GULP1: variants seen among roughly 807,000 people sequenced by gnomAD.
GULP1 encodes the protein GULP PTB domain containing engulfment adaptor 1.
In GULP1, 19 loss-of-function variants were observed where a neutral mutation model predicts 40.9. That is an observed-to-expected ratio of 0.46 (90% confidence interval 0.32 to 0.68). GULP1 has a LOEUF of 0.68. Among genes scored for constraint, GULP1 ranks in the 30% least tolerant of loss-of-function variants. GULP1 has a pLI of 0.03. For synonymous variants in GULP1, 119 were observed against 117.6 expected (o/e 1.01, Z -0.08); for missense variants, 312 against 362.2 (o/e 0.86, Z 1.12).
chr2:188,342,465 AT>A (rs1298966451), intron 1 of GULP1, among the ~76,000 whole-genome samples: 1 of 152,048 alleles, frequency 6.6e-6, no homozygotes, highest in Non-Finnish European at 1.5e-5. Context: ...TTTTATCTGA[AT>A]TTTTTTAACC....
Position 188,594,834 on chromosome 2 carries a change from A to C in GULP1, c.*823A>C, listed in dbSNP as rs2153480182. Reference sequence around the variant, plus strand: ...AATATATGCTATCTATAGATTCAGTATCTACTACCCATATTTACTTTACCA... The same window carrying C: ...AATATATGCTATCTATAGATTCAGTCTCTACTACCCATATTTACTTTACCA... On this transcript the variant is annotated 3_prime_UTR_variant, in exon 12 of 12. Coordinates refer to ENST00000409830, the MANE Select transcript of GULP1 (RefSeq NM_016315.4). The C allele has an allele frequency of 6.6e-6, 1 of 151,880 alleles. No individual in the cohort carries two copies. Among genetic ancestry groups the C allele is most frequent in the Admixed American group, 6.6e-5 (1 of 15,200 alleles). The allele number at this position is 151,880 out of a possible 1,614,324, so 9.4% of individuals were successfully genotyped here.
chr2:188,584,614 T>C (rs1023979281), intron 10 of GULP1, among the ~76,000 whole-genome samples: 1 of 152,050 alleles, frequency 6.6e-6, no homozygotes, highest in African/African-American at 2.4e-5. Flanking sequence ...GCTTGCAACT[T>C]TTACCTATTG....
chr2:188,397,172 C>G (rs1017284749), intron 2 of GULP1, among the ~76,000 whole-genome samples: 2 of 152,194 alleles, frequency 1.3e-5, no homozygotes, highest in Non-Finnish European at 2.9e-5. Context: ...GTGTGATTAT[C>G]TACGTACTCT....
At chr2:188,355,775 T>C (rs2045218105) in intron 1 of GULP1, among the ~76,000 whole-genome samples, 1 of 152,012 alleles carries the variant, frequency 6.6e-6, no homozygotes, top group South Asian at 2.1e-4. Flanking sequence ...AAATGGCTTA[T>C]AAAATACTAG....
intron 4 of GULP1, among the ~76,000 whole-genome samples, chr2:188,497,244 A>C (rs2153125137): frequency 6.6e-6 from 1 of 152,152 alleles, no homozygotes; most frequent in East Asian, 1.9e-4. Context: ...TAAATTAACA[A>C]ATGAATATTA....
intron 1 of GULP1, among the ~76,000 whole-genome samples, chr2:188,381,463 T>A (rs192613504): frequency 6.6e-6 from 1 of 152,276 alleles, no homozygotes. Context: ...TGGAATTAGA[T>A]CAATTGAAGA....
At chr2:188,345,532 T>C (rs2043529461) in intron 1 of GULP1, among the ~76,000 whole-genome samples, 1 of 152,230 alleles carries the variant, frequency 6.6e-6, no homozygotes, top group African/African-American at 2.4e-5. Flanking sequence ...TGATTAAATA[T>C]GATCATTGGA....
chr2:188,405,870 C>G (rs763567625), intron 2 of GULP1, among the ~76,000 whole-genome samples: 1 of 152,180 alleles, frequency 6.6e-6, no homozygotes, highest in Non-Finnish European at 1.5e-5. Flanking sequence ...TTCAAATGTG[C>G]AGACATCAAC....
At chr2:188,344,562 A>G (rs577397943) in intron 1 of GULP1, among the ~76,000 whole-genome samples, 2 of 152,232 alleles carry the variant, frequency 1.3e-5, no homozygotes, top group East Asian at 3.8e-4. Flanking sequence ...TATTTGCTTT[A>G]TGGGCTTGAG....
chr2:188,441,932 C>A (rs147603456), intron 2 of GULP1, among the ~76,000 whole-genome samples: 1 of 152,042 alleles, frequency 6.6e-6, no homozygotes, highest in Non-Finnish European at 1.5e-5. Flanking sequence ...TTAGACTTTG[C>A]GTTGATGTGT....
chr2:188,504,337 C>T (rs2063710483), intron 4 of GULP1, among the ~76,000 whole-genome samples: 1 of 151,886 alleles, frequency 6.6e-6, no homozygotes, highest in Non-Finnish European at 1.5e-5. Flanking sequence ...GAAGTAGGAA[C>T]TATACTAAGG....
In GULP1 at chr2:188,583,835, G is replaced by A. The variant is rs772910498; in HGVS notation, c.610-430G>A. Among the ~76,000 whole-genome samples the A allele has an allele frequency of 7.9e-4, 120 of 152,130 alleles. 1 individual carries two copies. The highest frequency in any genetic ancestry group is 2.4e-4 in the Non-Finnish European group (16 of 68,002). ...TGAATGTTTATATTTAAGAAGGCAG[G>A]TCACTTATGTCTAATTATTCCAGTT... On this transcript the variant is annotated intron_variant, in intron 9 of 11. Transcript: ENST00000409830.
intron 1 of GULP1, among the ~76,000 whole-genome samples, chr2:188,346,432 A>C (rs1382570840): frequency 1.3e-5 from 2 of 152,180 alleles, no homozygotes; most frequent in African/African-American, 4.8e-5. Flanking sequence ...AGTCTTTAAG[A>C]AAACAAACAA....
chr2:188,451,455 A>G (rs1424202981), intron 2 of GULP1, among the ~76,000 whole-genome samples: 3 of 152,230 alleles, frequency 2.0e-5, no homozygotes, highest in African/African-American at 7.2e-5. Flanking sequence ...CTACCAAGAC[A>G]GGACATCTTT....
intron 9 of GULP1, among the ~76,000 whole-genome samples, chr2:188,583,835 G>T (rs772910498): frequency 1.6e-4 from 24 of 152,246 alleles, no homozygotes; most frequent in Non-Finnish European, 2.9e-4. Context: ...AAGAAGGCAG[G>T]TCACTTATGT....
chr2:188,578,777 G>A (rs751218764), intron 9 of GULP1, among the ~76,000 whole-genome samples: 5 of 152,030 alleles, frequency 3.3e-5, no homozygotes, highest in Non-Finnish European at 5.9e-5. Flanking sequence ...TACTTCTGTA[G>A]GACAATCCAA....
chr2:188,514,616 T>A (rs1245336033), intron 4 of GULP1, among the ~76,000 whole-genome samples: 1 of 152,216 alleles, frequency 6.6e-6, no homozygotes, highest in East Asian at 1.9e-4. Flanking sequence ...TGAAACATTA[T>A]ACTCCTTTTT....
At chr2:188,490,318 T>C (rs1284724791) in intron 4 of GULP1, among the ~76,000 whole-genome samples, 1 of 152,118 alleles carries the variant, frequency 6.6e-6, no homozygotes, top group Non-Finnish European at 1.5e-5. Flanking sequence ...TCCGTTTGTC[T>C]ATTTATTGCG....
At chr2:188,390,059 C>G (rs1019248400) in intron 2 of GULP1, among the ~76,000 whole-genome samples, 33 of 151,778 alleles carry the variant, frequency 2.2e-4, no homozygotes, top group African/African-American at 8.0e-4. Context: ...ATATCTTTGC[C>G]TTTGTGAATT....
Sources: allele counts gnomAD v4.1 joint callset (sites outside exome capture counted in the v4.1 genomes callset), GRCh38; gene constraint gnomAD v4.1.1; transcripts MANE v1.5; gene names NCBI Gene and HGNC (gene_info 2026-07-23, HGNC 2026-07-21).